The following CCDC102B variants were observed in gnomAD, a reference collection of about 807,000 sequenced individuals.
CCDC102B encodes coiled-coil domain containing 102B.
A neutral mutation model predicts 57.4 loss-of-function variants in CCDC102B; 75 were observed. That is an observed-to-expected ratio of 1.31 (90% CI 1.08 to 1.58). CCDC102B has a LOEUF of 1.58. Ranked by LOEUF, CCDC102B falls within the 40% of genes most tolerant of loss-of-function variation. The probability of loss-of-function intolerance (pLI) is 0.00; values close to 1 mark genes in which losing one functional copy is unlikely to be tolerated. For missense variants in CCDC102B, 636 were observed against 582.6 expected (o/e 1.09, Z -0.94); for synonymous variants, 206 against 201.9 (o/e 1.02, Z -0.17).
At chr18:68,948,794 G>A (rs1261191060) in intron 6 of CCDC102B, among the ~76,000 whole-genome samples, 1 of 152,134 alleles carries the variant, frequency 6.6e-6, no homozygotes, top group Non-Finnish European at 1.5e-5. Context: ...TAAGTGCCGA[G>A]TGTAACTGTG....
intron 4 of CCDC102B, among the ~76,000 whole-genome samples, chr18:68,855,394 G>A (rs548408709): frequency 1.3e-5 from 2 of 152,284 alleles, no homozygotes; most frequent in South Asian, 4.1e-4. Context: ...TTAAAATTTA[G>A]TTAGAAGGCA....
intron 7 of CCDC102B, among the ~76,000 whole-genome samples, chr18:69,039,512 G>A (rs1006861712): frequency 4.0e-5 from 6 of 151,792 alleles, no homozygotes; most frequent in Admixed American, 3.9e-4. Flanking sequence ...GGTACCATGA[G>A]ATATTATTAT....
chr18:68,874,917 A>T, intron 5 of CCDC102B, 132 bp downstream of exon 5: 1 of 604,560 alleles, frequency 1.7e-6, no homozygotes, highest in Non-Finnish European at 3.0e-6. Flanking sequence ...TGCTAATGTA[A>T]TCAGCTTATA....
intron 4 of CCDC102B, 86 bp from the exon 5 acceptor site, chr18:68,874,583 T>A: frequency 1.3e-6 from 1 of 787,538 alleles, no homozygotes; most frequent in Non-Finnish European, 2.1e-6. Context: ...AAAACAACAC[T>A]AAAGCTAAAT....
chr18:68,804,010 GT>G (rs1392664554), intron 1 of CCDC102B, among the ~76,000 whole-genome samples: 1 of 152,198 alleles, frequency 6.6e-6, no homozygotes, highest in Admixed American at 6.5e-5. Flanking sequence ...ACATACTGGA[GT>G]AGGGAAAAGG....
At chr18:68,800,491 G>A (rs1411818576) in intron 1 of CCDC102B, among the ~76,000 whole-genome samples, 1 of 152,056 alleles carries the variant, frequency 6.6e-6, no homozygotes, top group Non-Finnish European at 1.5e-5. Context: ...TTAAATTAGC[G>A]GCCCTCAGAT....
chr18:68,864,600 A>G (rs1006154306), intron 4 of CCDC102B, among the ~76,000 whole-genome samples: 41 of 151,854 alleles, frequency 2.7e-4, no homozygotes, highest in Middle Eastern at 3.4e-3. Context: ...CTGTTTTTCT[A>G]TTTCTATAGT....
intron 1 of CCDC102B, among the ~76,000 whole-genome samples, chr18:68,816,459 C>CTTTTTTTT (rs869077830): frequency 8.0e-5 from 8 of 100,588 alleles, no homozygotes; most frequent in South Asian, 3.8e-4. Context: ...TATTTCCTTT[C>CTTTTTTTT]TTTTTTTTTT....
intron 5 of CCDC102B, among the ~76,000 whole-genome samples, chr18:68,889,347 T>C (rs1163456678): frequency 6.6e-6 from 1 of 152,186 alleles, no homozygotes; most frequent in African/African-American, 2.4e-5. Flanking sequence ...GACCTCTACT[T>C]GAGGCTAAAT....
chr18:68,853,493 G>T (rs1323769305), intron 4 of CCDC102B, among the ~76,000 whole-genome samples: 1 of 151,572 alleles, frequency 6.6e-6, no homozygotes, highest in Non-Finnish European at 1.5e-5. Context: ...AAGCCAAAAA[G>T]CTAGGAAAAA....
At chr18:69,035,269 G>A (rs2052258720) in intron 7 of CCDC102B, among the ~76,000 whole-genome samples, 1 of 151,956 alleles carries the variant, frequency 6.6e-6, no homozygotes, top group Non-Finnish European at 1.5e-5. Flanking sequence ...TCGTCCAGTA[G>A]GCAAGGATGC....
intron 5 of CCDC102B, among the ~76,000 whole-genome samples, chr18:68,876,994 A>T (rs182163702): frequency 6.6e-6 from 1 of 152,360 alleles, no homozygotes; most frequent in Non-Finnish European, 1.5e-5. Context: ...TCATTTATCC[A>T]GGAAATATTA....
At chr18:68,989,123 C>A (rs1307262582) in intron 6 of CCDC102B, among the ~76,000 whole-genome samples, 1 of 152,178 alleles carries the variant, frequency 6.6e-6, no homozygotes, top group African/African-American at 2.4e-5. Flanking sequence ...CGTATTCCAT[C>A]CTATTTTGTT....
intron 6 of CCDC102B, among the ~76,000 whole-genome samples, chr18:68,989,122 T>C (rs1346082899): frequency 6.6e-6 from 1 of 152,220 alleles, no homozygotes; most frequent in Non-Finnish European, 1.5e-5. Context: ...CCGTATTCCA[T>C]CCTATTTTGT....
chr18:68,956,092 C>T (rs907398019), intron 6 of CCDC102B, among the ~76,000 whole-genome samples: 2 of 151,326 alleles, frequency 1.3e-5, no homozygotes, highest in East Asian at 2.0e-4. Context: ...TGGCTTGTTT[C>T]GCTTAACAAA....
intron 2 of CCDC102B, chr18:68,718,232 A>T (rs2032133525): frequency 6.6e-6 from 1 of 152,206 alleles, no homozygotes; most frequent in South Asian, 2.1e-4. Flanking sequence ...ATAGCAGGAC[A>T]GTTTGTAATT....
At chr18:68,897,106 G>A (rs897139441) in intron 5 of CCDC102B, 113 bp from the exon 6 acceptor site, 2 of 728,124 alleles carry the variant, frequency 2.7e-6, no homozygotes, top group African/African-American at 1.8e-5. Context: ...TTTTAAAATT[G>A]TATCAGTGGA....
intron 6 of CCDC102B, among the ~76,000 whole-genome samples, chr18:68,978,858 A>G (rs1253155873): frequency 6.6e-6 from 1 of 152,090 alleles, no homozygotes; most frequent in African/African-American, 2.4e-5. Flanking sequence ...AATGTCATTA[A>G]TGTATTTGTA....
intron 2 of CCDC102B, among the ~76,000 whole-genome samples, chr18:68,732,248 A>G (rs1167322440): frequency 6.6e-6 from 1 of 151,838 alleles, no homozygotes; most frequent in Non-Finnish European, 1.5e-5. Flanking sequence ...TAGTATTTCT[A>G]TGGTGGATAC....
Sources: allele counts gnomAD v4.1 joint callset (sites outside exome capture counted in the v4.1 genomes callset), GRCh38; gene constraint gnomAD v4.1.1; transcripts MANE v1.5; gene names NCBI Gene and HGNC (gene_info 2026-07-23, HGNC 2026-07-21).